SYT12: variants seen among roughly 807,000 people sequenced by gnomAD.
SYT12 encodes the protein synaptotagmin-12.
In SYT12, 27 loss-of-function variants were observed where a neutral mutation model predicts 39.5. The ratio of observed to expected loss-of-function variants is 0.68; its 90% CI spans 0.50 to 0.94. The LOEUF is 0.94. Among genes scored for constraint, SYT12 ranks in the 40% least tolerant of loss-of-function variants. The probability of loss-of-function intolerance (pLI) is 0.00; values close to 1 mark genes in which losing one functional copy is unlikely to be tolerated. For missense variants in SYT12, 536 were observed against 572.6 expected (o/e 0.94, Z 0.65); for synonymous variants, 233 against 239.7 (o/e 0.97, Z 0.26).
chr11:67,039,348 C>T (rs575018241), intron 3 of SYT12, among the ~76,000 whole-genome samples: 8 of 151,664 alleles, frequency 5.3e-5, no homozygotes, highest in Non-Finnish European at 7.4e-5. Context: ...CGGTGGCTCA[C>T]GCCTGTAATC....
chr11:67,047,700 T>C (rs1219170755), intron 7 of SYT12, among the ~76,000 whole-genome samples: 2 of 144,254 alleles, frequency 1.4e-5, no homozygotes, highest in Admixed American at 1.4e-4. Context: ...CCCAGCACTT[T>C]GGGAGGCTGA....
Position 67,040,057 on chromosome 11 carries a change from A to G in SYT12, c.475A>G (p.Ser159Gly). The part of the protein sequence containing the change: ...QDFTLGQVEV[S>G]MEYDTASHTL... ...CTTCACACTGGGCCAGGTGGAGGTG[A>G]GCATGGAGTACGACACTGCCTCCCA... The change falls in exon 4 of 8, where the codon AGC (serine) becomes GGC (glycine). Residue 159 changes from serine to glycine, a missense_variant. By Grantham distance (56) the Ser-to-Gly change is moderately conservative. Coordinates refer to ENST00000527043, the MANE Select transcript of SYT12 (RefSeq NM_177963.4). 6.2e-7 allele frequency: 1 copy of G among 1,614,008 alleles called. No homozygotes were observed. Among genetic ancestry groups the G allele is most frequent in the Non-Finnish European group, 8.5e-7 (1 of 1,180,026 alleles).
At chr11:67,040,614 C>G (rs1950494450) in intron 4 of SYT12, among the ~76,000 whole-genome samples, 1 of 149,666 alleles carries the variant, frequency 6.7e-6, no homozygotes, top group Non-Finnish European at 1.5e-5. Flanking sequence ...CCGAGGCGGG[C>G]AGATCATGAG....
chr11:67,007,034 G>C (rs981705518), exon 1 of SYT12: 1 of 152,304 alleles, frequency 6.6e-6, no homozygotes, highest in Non-Finnish European at 1.5e-5. Flanking sequence ...GGGAAAATGA[G>C]TCAGGTCCTG....
chr11:67,030,259 C>A, intron 2 of SYT12, 81 bp downstream of exon 2: 1 of 1,504,546 alleles, frequency 6.6e-7, no homozygotes, highest in Middle Eastern at 1.7e-4. Context: ...GTCTGTGGGA[C>A]ATGAATAATT....
At chr11:67,038,023 G>A (rs1012345332) in intron 3 of SYT12, among the ~76,000 whole-genome samples, 2 of 149,752 alleles carry the variant, frequency 1.3e-5, no homozygotes, top group Admixed American at 6.7e-5. Flanking sequence ...CTCCACCCTG[G>A]GCAAGTGAGA....
rs759905113 is a variant in SYT12 at position 67,040,044 on chromosome 11, C to G, written c.462C>G (p.Gly154=). The change falls in exon 4 of 8, where the codon GGC becomes GGG. Residue 154 remains glycine (G), a synonymous_variant. Coordinates refer to ENST00000527043, the MANE Select transcript of SYT12 (RefSeq NM_177963.4). The part of the protein sequence containing the change: ...SNTFGQDFTL[G]QVEVSMEYDT... ...CCTTTGGGCAGGACTTCACACTGGG[C>G]CAGGTGGAGGTGAGCATGGAGTACG... is the stretch of plus-strand genomic sequence containing the variant. 1.2e-6 allele frequency: 2 copies of G among 1,613,944 alleles called. No homozygotes were observed. The highest frequency in any genetic ancestry group is 1.7e-6 in the Non-Finnish European group (2 of 1,180,022).
At chr11:67,036,965 C>T (rs765947094) in intron 3 of SYT12, among the ~76,000 whole-genome samples, 4 of 152,140 alleles carry the variant, frequency 2.6e-5, no homozygotes, top group Admixed American at 6.5e-5. Context: ...CCCAGCTACT[C>T]GGGAAGCTGA....
At chr11:67,035,810 C>T (rs1192299410) in intron 3 of SYT12, among the ~76,000 whole-genome samples, 8 of 68,848 alleles carry the variant, frequency 1.2e-4, no homozygotes, top group East Asian at 8.6e-4. Context: ...TCCTTCCTTC[C>T]TTCCTTCCTT....
At chr11:67,035,198 G>A (rs1293498044) in intron 3 of SYT12, among the ~76,000 whole-genome samples, 2 of 151,392 alleles carry the variant, frequency 1.3e-5, no homozygotes, top group African/African-American at 2.4e-5. Flanking sequence ...TAGTAGATAC[G>A]GGGTTTCACC....
chr11:67,033,986 C>G (rs1950316275), intron 2 of SYT12, among the ~76,000 whole-genome samples: 1 of 152,168 alleles, frequency 6.6e-6, no homozygotes, highest in Non-Finnish European at 1.5e-5. Context: ...GGATTTGTCT[C>G]CAAGCCCTGC....
chr11:67,044,650 C>G lies in SYT12; in HGVS notation c.895C>G (p.Arg299Gly). 1 of 1,613,594 alleles carries G rather than the reference C, an allele frequency of 6.2e-7. No homozygotes were observed. The highest frequency in any genetic ancestry group is 8.5e-7 in the Non-Finnish European group (1 of 1,179,988). The change falls in exon 6 of 8, where the codon CGC becomes GGC. Residue 299 changes from arginine to glycine, a missense_variant. Transcript: ENST00000527043. Reference sequence around the variant, plus strand: ...CCTCAGCTACCTCCCCACAGCCGAGCGCCTCACCGTGGTCGTGGTTAAGGC... The same window carrying G: ...CCTCAGCTACCTCCCCACAGCCGAGGGCCTCACCGTGGTCGTGGTTAAGGC... ...LSLSYLPTAE[R>G]LTVVVVKAKN...
intron 3 of SYT12, among the ~76,000 whole-genome samples, chr11:67,016,484 C>T (rs1013794813): frequency 3.3e-5 from 5 of 152,076 alleles, no homozygotes; most frequent in Non-Finnish European, 7.3e-5. Context: ...TCTAGAGAGG[C>T]TTCAGAAAGA....
chr11:67,020,742 A>AC (rs1950100734), upstream of SYT12, among the ~76,000 whole-genome samples: 1 of 150,584 alleles, frequency 6.6e-6, no homozygotes, highest in South Asian at 2.1e-4. Context: ...TTCACCCACC[A>AC]TTTTTTTTTA....
At position 67,048,990 on chromosome 11, in the gene SYT12, G is replaced by A; in HGVS notation, c.*233G>A. The stretch of plus-strand genomic sequence containing the variant: ...TGAGGACCAGCTGTGGCTGGGCCAG[G>A]ACAGAGGACTCAACCCTGCTCCTCC... On this transcript the variant is annotated 3_prime_UTR_variant, in exon 8 of 8. Transcript: ENST00000527043. 1 of 482,126 alleles carries A rather than the reference G, an allele frequency of 2.1e-6. No individual in the cohort carries two copies. Among genetic ancestry groups the A allele is most frequent in the Non-Finnish European group, 3.7e-6 (1 of 271,148 alleles). 29.9% of individuals were successfully genotyped at this position (482,126 alleles called of 1,614,324 possible).
rs760754545 is a variant in SYT12, at chr11:67,030,126, A to G, written c.-19A>G. The stretch of plus-strand genomic sequence containing the variant: ...TCACTCTCTTTTCCCTTCCAGTCAC[A>G]GTCACTGCAGCAGACATCATGGCTG... On this transcript the variant is annotated 5_prime_UTR_variant, in exon 2 of 8. Coordinates refer to ENST00000527043, the MANE Select transcript of SYT12 (RefSeq NM_177963.4). The G allele has an allele frequency of 3.7e-6, 6 of 1,613,782 alleles. No individual in the cohort carries two copies. The highest frequency in any genetic ancestry group is 3.3e-5 in the South Asian group (3 of 91,046).
chr11:67,034,981 C>T (rs1174976119), intron 3 of SYT12, 143 bp downstream of exon 3: 7 of 463,510 alleles, frequency 1.5e-5, no homozygotes, highest in Non-Finnish European at 2.6e-5. Flanking sequence ...AGACCTCCCT[C>T]TTCCCCTTTC....
intron 3 of SYT12, among the ~76,000 whole-genome samples, chr11:67,012,956 G>A (rs1466104288): frequency 6.6e-6 from 1 of 152,128 alleles, no homozygotes; most frequent in Non-Finnish European, 1.5e-5. Context: ...AAACCTGGGG[G>A]GGGTCATCCT....
chr11:67,013,804 T>C (rs1950032718), intron 3 of SYT12, among the ~76,000 whole-genome samples: 1 of 152,254 alleles, frequency 6.6e-6, no homozygotes, highest in African/African-American at 2.4e-5. Flanking sequence ...GACACATTAC[T>C]GCAAATTTGG....
Sources: gnomAD v4.1 joint callset for allele counts (sites outside exome capture counted in the v4.1 genomes callset) on GRCh38, gnomAD v4.1.1 for gene constraint, MANE v1.5 for transcripts, NCBI Gene and HGNC (gene_info 2026-07-23, HGNC 2026-07-21) for gene names.